MYO3A: variants seen among roughly 807,000 people sequenced by gnomAD.
MYO3A encodes the protein myosin IIIA.
A neutral mutation model predicts 192.7 loss-of-function variants in MYO3A; 180 were observed. That is an observed-to-expected ratio of 0.93 (90% CI 0.83 to 1.06). The LOEUF is 1.06. Ranked by LOEUF, MYO3A falls within the 50% of genes least tolerant of loss-of-function variation. The probability of loss-of-function intolerance (pLI) is 0.00; values close to 1 mark genes in which losing one functional copy is unlikely to be tolerated. For missense variants in MYO3A, 1,896 were observed against 1,905.0 expected (o/e 1.00, Z 0.09); for synonymous variants, 628 against 645.3 (o/e 0.97, Z 0.41).
chr10:26,022,617 G>T (rs1201568457), intron 8 of MYO3A: 1 of 152,078 alleles, frequency 6.6e-6, no homozygotes, highest in African/African-American at 2.4e-5. Context: ...GAAAAGAATG[G>T]AAAACCTCTA....
intron 10 of MYO3A, among the ~76,000 whole-genome samples, chr10:26,030,960 C>T (rs935312115): frequency 2.0e-5 from 3 of 152,080 alleles, no homozygotes; most frequent in Non-Finnish European, 4.4e-5. Context: ...TAATACACTC[C>T]TCAAAAAACG....
chr10:26,176,448 A>G (rs972079893), intron 30 of MYO3A, among the ~76,000 whole-genome samples: 6 of 152,248 alleles, frequency 3.9e-5, no homozygotes, highest in Admixed American at 2.6e-4. Flanking sequence ...CGATCAGAAC[A>G]GAATTCTGCA....
Position 25,997,141 on chromosome 10 carries a change from A to G in MYO3A, c.409-18A>G, listed in dbSNP as rs191938902. Reference sequence around the variant, plus strand: ...TGATGCTTTTGTTAAGAGTCATTATATATTTCTTATCTTCTAGGGACTTCA... The same window carrying G: ...TGATGCTTTTGTTAAGAGTCATTATGTATTTCTTATCTTCTAGGGACTTCA... On this transcript the variant is annotated intron_variant, in intron 5 of 34. Transcript: ENST00000642920. 135 of 1,588,710 alleles carry G rather than the reference A, an allele frequency of 8.5e-5. No homozygotes were observed. The African/African-American group carries it at 1.7e-3, about 20-fold the overall frequency.
At chr10:26,003,292 G>A (rs1441639921) in intron 6 of MYO3A, among the ~76,000 whole-genome samples, 1 of 152,168 alleles carries the variant, frequency 6.6e-6, no homozygotes, top group African/African-American at 2.4e-5. Flanking sequence ...CATAGTAGGT[G>A]CTTAATAAAT....
chr10:26,108,697 AGCTCTGAAGACAG>A (rs1837979707), intron 17 of MYO3A, among the ~76,000 whole-genome samples: 1 of 152,196 alleles, frequency 6.6e-6, no homozygotes. Context: ...TGCTCTTGGC[AGCTCTGAAGACAG>A]GAATCTCTCA....
intron 4 of MYO3A, among the ~76,000 whole-genome samples, chr10:25,984,278 A>G (rs986184939): frequency 2.0e-5 from 3 of 152,262 alleles, no homozygotes; most frequent in Non-Finnish European, 2.9e-5. Flanking sequence ...CTAGCATTGA[A>G]TATAAATGGC....
At position 26,070,319 on chromosome 10, in the gene MYO3A, G is replaced by A. The variant is rs1425819404; in HGVS notation, c.1277G>A (p.Cys426Tyr). 2 of 1,612,830 alleles carry A rather than the reference G, an allele frequency of 1.2e-6. No individual in the cohort carries two copies. The highest frequency in any genetic ancestry group is 1.1e-5 in the South Asian group (1 of 91,038). Reference protein sequence around the residue: ...QSMITYNSDQCIVISGESGAG... With the variant: ...QSMITYNSDQYIVISGESGAG... Reference sequence around the variant, plus strand: ...CACAGTTTTCTTTTCTATGTATAGTGCATTGTTATTTCTGGAGAAAGTGGT... The same window carrying A: ...CACAGTTTTCTTTTCTATGTATAGTACATTGTTATTTCTGGAGAAAGTGGT... The change falls in exon 14 of 35, where the codon TGC (cysteine) becomes TAC (tyrosine). Residue 426 changes from cysteine (C) to tyrosine (Y), a missense_variant and splice_region_variant. Physicochemically the swap from Cys to Tyr is radical, Grantham distance 194. Coordinates refer to ENST00000642920, the MANE Select transcript of MYO3A (RefSeq NM_017433.5).
intron 20 of MYO3A, among the ~76,000 whole-genome samples, chr10:26,133,838 C>T (rs1280396849): frequency 6.6e-6 from 1 of 152,144 alleles, no homozygotes; most frequent in African/African-American, 2.4e-5. Context: ...ATAGTACTGT[C>T]GTTTTCTACA....
intron 10 of MYO3A, among the ~76,000 whole-genome samples, chr10:26,038,318 A>T (rs1319857601): frequency 2.0e-5 from 3 of 152,242 alleles, no homozygotes; most frequent in South Asian, 2.1e-4. Flanking sequence ...AACAATATTG[A>T]TTCTTCTAAT....
chr10:26,158,203 T>G, intron 26 of MYO3A, among the ~76,000 whole-genome samples: 1 of 152,176 alleles, frequency 6.6e-6, no homozygotes, highest in Non-Finnish European at 1.5e-5. Flanking sequence ...TTTAAAAAGC[T>G]AACATAAATT....
rs76314746 is a variant in MYO3A, at chr10:26,050,945, T to C, written c.954-16030T>C. Among the ~76,000 whole-genome samples, 813 of 152,340 alleles carry C rather than the reference T, an allele frequency of 5.3e-3. 13 individuals carry two copies. The highest frequency in any genetic ancestry group is 0.018 in the African/African-American group (756 of 41,574). On this transcript the variant is annotated intron_variant, in intron 10 of 34. Transcript: ENST00000642920. ...CAACTCATAAATAAAGGATCATACA[T>C]CACTTCTTTAGGTTGTTCCTTAGTT...
chr10:26,170,144 C>A (rs1169339305), intron 28 of MYO3A, among the ~76,000 whole-genome samples: 1 of 152,148 alleles, frequency 6.6e-6, no homozygotes, highest in African/African-American at 2.4e-5. Flanking sequence ...CAAATGAGCA[C>A]ACTTTGTCAT....
rs9943416 is a variant in MYO3A, at chr10:25,947,394, T to C, written c.-17-4700T>C. On this transcript the variant is annotated intron_variant, in intron 2 of 34. Coordinates refer to ENST00000642920, the MANE Select transcript of MYO3A (RefSeq NM_017433.5). ...GTATTATTTCTTTTCTTTTTCTTTT[T>C]TTTTTTTTTTTTTTTTGAGACAGAG... is the stretch of plus-strand genomic sequence containing the variant. Among the ~76,000 whole-genome samples, 16 of 144,398 alleles carry C rather than the reference T, an allele frequency of 1.1e-4. 1 individual carries two copies. In the South Asian group the frequency reaches 1.3e-3, roughly 12 times the overall value. The allele number at this position is 144,398 out of a possible 152,430, so 94.7% of individuals were successfully genotyped here.
chr10:26,091,303 T>C (rs1276210758), intron 15 of MYO3A, among the ~76,000 whole-genome samples: 1 of 152,236 alleles, frequency 6.6e-6, no homozygotes, highest in Non-Finnish European at 1.5e-5. Flanking sequence ...ACATTTATTT[T>C]TAGATTACCT....
chr10:25,934,495 C>T (rs1244370118), intron 1 of MYO3A, among the ~76,000 whole-genome samples, 167 bp downstream of exon 1: 1 of 152,074 alleles, frequency 6.6e-6, no homozygotes, highest in Non-Finnish European at 1.5e-5. Context: ...CAGGTCAGAT[C>T]CGGAGGACCT....
chr10:26,062,133 A>T (rs567146232), intron 10 of MYO3A, among the ~76,000 whole-genome samples: 1 of 152,168 alleles, frequency 6.6e-6, no homozygotes, highest in Non-Finnish European at 1.5e-5. Context: ...ATGGGATACA[A>T]CAAGAAGCTA....
intron 10 of MYO3A, among the ~76,000 whole-genome samples, chr10:26,062,878 T>G (rs989552453): frequency 2.9e-4 from 33 of 114,258 alleles, no homozygotes; most frequent in Non-Finnish European, 4.3e-4. Flanking sequence ...TGTATGGGGG[T>G]GAGGGAATAT....
At chr10:26,101,729 C>A (rs1837466921) in intron 17 of MYO3A, among the ~76,000 whole-genome samples, 1 of 152,190 alleles carries the variant, frequency 6.6e-6, no homozygotes, top group Non-Finnish European at 1.5e-5. Context: ...TTGGCCCCCA[C>A]TCTTTTCTGG....
chr10:26,016,906 A>C lies in MYO3A; in HGVS notation c.585+10A>C. 1.2e-6 allele frequency: 2 copies of C among 1,613,258 alleles called. No homozygotes were observed. On this transcript the variant is annotated intron_variant, in intron 7 of 34. Transcript: ENST00000642920. ...TTGGATGGCTCCTGAGGTCAGATAG[A>C]GTTTTGAGGCAGACAAACGTAATAG... is the stretch of plus-strand genomic sequence containing the variant.
Sources: gnomAD v4.1 joint callset for allele counts (sites outside exome capture counted in the v4.1 genomes callset) on GRCh38, gnomAD v4.1.1 for gene constraint, MANE v1.5 for transcripts, NCBI Gene and HGNC (gene_info 2026-07-23, HGNC 2026-07-21) for gene names.